Variants in GRID2 observed in about 807,000 individuals in gnomAD.
GRID2 encodes the protein glutamate receptor ionotropic, delta-2.
GRID2 carries 33 observed loss-of-function variants against 114.8 expected under a neutral mutation model. The ratio of observed to expected loss-of-function variants is 0.29; its 90% CI spans 0.22 to 0.38. The LOEUF is 0.38. GRID2 is among the 10% of genes least tolerant of loss of function. GRID2 has a pLI of 1.00. For synonymous variants in GRID2, 505 were observed against 449.9 expected, an observed-to-expected ratio of 1.12 and a Z score of -1.55; for missense variants, 1,184 against 1,257.7, an observed-to-expected ratio of 0.94 and a Z score of 0.89.
chr4:93,426,948 A>C (rs1393624792), intron 10 of GRID2, among the ~76,000 whole-genome samples: 1 of 152,032 alleles, frequency 6.6e-6, no homozygotes, highest in African/African-American at 2.4e-5. Flanking sequence ...AGGAGAAGAA[A>C]CCTACAAAAA....
chr4:93,486,636 T>C (rs1726434061), intron 11 of GRID2, among the ~76,000 whole-genome samples: 1 of 151,734 alleles, frequency 6.6e-6, no homozygotes, highest in South Asian at 2.1e-4. Context: ...TCTCTTTTGG[T>C]CCTAAAGTAG....
chr4:93,596,083 G>T (rs1228449078), intron 13 of GRID2, among the ~76,000 whole-genome samples: 1 of 152,058 alleles, frequency 6.6e-6, no homozygotes, highest in South Asian at 2.1e-4. Context: ...ATATGTAAAG[G>T]CTATGCACTT....
intron 8 of GRID2, among the ~76,000 whole-genome samples, chr4:93,375,518 T>G (rs1763297712): frequency 6.6e-6 from 1 of 152,048 alleles, no homozygotes; most frequent in African/African-American, 2.4e-5. Context: ...GCCAGGAGTT[T>G]TTCACTGTGA....
At position 93,414,039 on chromosome 4, in the gene GRID2, T is replaced by C. The variant is rs572586896; in HGVS notation, c.1348-8732T>C. On this transcript the variant is annotated intron_variant, in intron 9 of 15. Coordinates refer to ENST00000282020, the MANE Select transcript of GRID2 (RefSeq NM_001510.4). ...CAGAAGTTAATACTCTTCCAAAGAC[T>C]GATGCCTCCACTGAGCACCTCTAGG... 3.3e-5 allele frequency among the ~76,000 whole-genome samples: 5 copies of C among 152,320 alleles called. No individual in the cohort carries two copies. The East Asian group carries it at 9.7e-4, about 29-fold the overall frequency.
intron 12 of GRID2, among the ~76,000 whole-genome samples, chr4:93,501,774 A>G (rs1728133573): frequency 6.6e-6 from 1 of 152,076 alleles, no homozygotes; most frequent in Non-Finnish European, 1.5e-5. Flanking sequence ...AAACTTTACC[A>G]ATTTTATAAT....
intron 8 of GRID2, among the ~76,000 whole-genome samples, chr4:93,393,102 G>A (rs1222890650): frequency 6.6e-6 from 1 of 151,932 alleles, no homozygotes; most frequent in Non-Finnish European, 1.5e-5. Context: ...TATGTGATAA[G>A]AGAATGTACT....
At chr4:92,305,542 C>G (rs1351689973) in intron 1 of GRID2, among the ~76,000 whole-genome samples, 2 of 152,154 alleles carry the variant, frequency 1.3e-5, no homozygotes, top group African/African-American at 4.8e-5. Flanking sequence ...CGCCTCGCCT[C>G]GCAGTCAACT....
chr4:93,535,926 G>A (rs768212028), intron 13 of GRID2, among the ~76,000 whole-genome samples: 3 of 151,692 alleles, frequency 2.0e-5, no homozygotes, highest in Non-Finnish European at 4.4e-5. Flanking sequence ...TTACTTTTGC[G>A]TTTGTTGCCT....
At chr4:93,153,454 G>C (rs751321530) in intron 4 of GRID2, among the ~76,000 whole-genome samples, 1 of 152,086 alleles carries the variant, frequency 6.6e-6, no homozygotes, top group Non-Finnish European at 1.5e-5. Context: ...AGAAGTGGCA[G>C]AGACTAGCTA....
At chr4:92,951,565 G>T (rs750640119) in intron 2 of GRID2, among the ~76,000 whole-genome samples, 22 of 151,868 alleles carry the variant, frequency 1.4e-4, no homozygotes, top group Admixed American at 2.6e-4. Flanking sequence ...CTGGTCTCAA[G>T]CGATGCACCC....
rs2149322053 is a variant in GRID2, at chr4:93,085,088, A to G, written c.338A>G (p.His113Arg). 1.9e-6 allele frequency: 3 copies of G among 1,614,158 alleles called. No individual in the cohort carries two copies. Among genetic ancestry groups the G allele is most frequent in the Non-Finnish European group, 2.5e-6 (3 of 1,180,014 alleles). Residue 113 changes from histidine (H) to arginine (R), a missense_variant, in exon 3 of 16, where the codon CAT becomes CGT. Coordinates refer to ENST00000282020, the MANE Select transcript of GRID2 (RefSeq NM_001510.4). The stretch of plus-strand genomic sequence containing the variant: ...CTCCAGTCTTTGGCAGACGCCATGC[A>G]TATCCCCCACCTCTTCATTCAGCGC... ...GSLQSLADAM[H>R]IPHLFIQRST...
chr4:92,725,902 A>G (rs75302821), intron 2 of GRID2, among the ~76,000 whole-genome samples: 3,585 of 152,258 alleles, frequency 0.024, 136 homozygotes, highest in African/African-American at 0.081. Flanking sequence ...AGCAGAACAT[A>G]TAAAAAGCGG....
intron 13 of GRID2, among the ~76,000 whole-genome samples, chr4:93,614,650 T>C (rs538009572): frequency 4.7e-4 from 72 of 152,170 alleles, no homozygotes; most frequent in Non-Finnish European, 8.5e-4. Flanking sequence ...ATAGTAGTAC[T>C]AATTAAATAA....
intron 13 of GRID2, among the ~76,000 whole-genome samples, chr4:93,578,587 ATTTTTTTTTTT>A (rs59397408): frequency 1.2e-5 from 1 of 83,926 alleles, no homozygotes; most frequent in Non-Finnish European, 2.2e-5. Context: ...TGTTTTTTGT[ATTTTTTTTTTT>A]TTTTTTTTTT....
At chr4:93,436,099 G>A (rs963265819) in intron 10 of GRID2, among the ~76,000 whole-genome samples, 1 of 152,146 alleles carries the variant, frequency 6.6e-6, no homozygotes, top group Non-Finnish European at 1.5e-5. Context: ...TCCAATTGAA[G>A]TGAAAAGATA....
At chr4:93,243,030 G>A (rs1398883655) in intron 8 of GRID2, among the ~76,000 whole-genome samples, 2 of 151,860 alleles carry the variant, frequency 1.3e-5, no homozygotes, top group African/African-American at 2.4e-5. Flanking sequence ...TGTTCTGTGA[G>A]CTGGCACTAT....
chr4:93,732,388 A>C (rs1161310629), intron 14 of GRID2, among the ~76,000 whole-genome samples: 1 of 152,234 alleles, frequency 6.6e-6, no homozygotes, highest in Non-Finnish European at 1.5e-5. Flanking sequence ...CATAGAATGC[A>C]TGCACAATCA....
In GRID2 at chr4:92,480,383, A is replaced by G. The variant is rs542290706; in HGVS notation, c.89-109748A>G. 2.8e-4 allele frequency among the ~76,000 whole-genome samples: 42 copies of G among 152,218 alleles called. No homozygotes were observed. In the South Asian group the frequency reaches 6.2e-3, roughly 23 times the overall value. On this transcript the variant is annotated intron_variant, in intron 1 of 15. Coordinates refer to ENST00000282020, the MANE Select transcript of GRID2 (RefSeq NM_001510.4). The stretch of plus-strand genomic sequence containing the variant: ...TAGTGTTGAAATATAACATTTTTAC[A>G]TTTTTCTCCTTAGTAGGAAAGATAA...
chr4:92,707,165 TAAA>T (rs1333145301), intron 2 of GRID2, among the ~76,000 whole-genome samples: 1 of 152,004 alleles, frequency 6.6e-6, no homozygotes, highest in East Asian at 1.9e-4. Context: ...AAAAGGAAAA[TAAA>T]AAGTACATTA....
Sources: allele counts gnomAD v4.1 joint callset (sites outside exome capture counted in the v4.1 genomes callset), GRCh38; gene constraint gnomAD v4.1.1; transcripts MANE v1.5; gene names NCBI Gene and HGNC (gene_info 2026-07-23, HGNC 2026-07-21).